DENR: variants seen among roughly 807,000 people sequenced by gnomAD.
DENR encodes density-regulated protein.
In DENR, 6 loss-of-function variants were observed where a neutral mutation model predicts 30.6. The observed-to-expected ratio is 0.20, with a 90% CI of 0.11 to 0.39. The LOEUF (loss-of-function observed/expected upper bound fraction) is 0.39. Among genes scored for constraint, DENR ranks in the 10% least tolerant of loss-of-function variants. The pLI is 1.00. For synonymous variants in DENR, 78 were observed against 72.1 expected (o/e 1.08, Z -0.41); for missense variants, 141 against 230.9 (o/e 0.61, Z 2.52).
In DENR at chr12:122,771,019, A is replaced by G; in HGVS notation, c.*1941A>G. Reference sequence around the variant, plus strand: ...ACAATCCATAGATAGCCAGCAGTGGATGTTACTCCAGGAAAATGCAGGATT... The same window carrying G: ...ACAATCCATAGATAGCCAGCAGTGGGTGTTACTCCAGGAAAATGCAGGATT... On this transcript the variant is annotated 3_prime_UTR_variant, in exon 8 of 8. Transcript: ENST00000280557. 1 of 322,558 alleles carries G rather than the reference A, an allele frequency of 3.1e-6. No individual in the cohort carries two copies. The highest frequency in any genetic ancestry group is 5.6e-6 in the Non-Finnish European group (1 of 179,062). The allele number at this position is 322,558 out of a possible 1,614,324, so 20.0% of individuals were successfully genotyped here. A position where few individuals can be genotyped will look rare whatever the true frequency, so the allele number is the denominator to read the frequency against.
chr12:122,757,860 A>T (rs977136385), intron 2 of DENR, among the ~76,000 whole-genome samples: 1 of 152,212 alleles, frequency 6.6e-6, no homozygotes, highest in African/African-American at 2.4e-5. Flanking sequence ...TGGCCACAGA[A>T]ATCAAGTTTA....
At position 122,770,679 on chromosome 12, in the gene DENR, T is replaced by G. The variant is rs1879013388; in HGVS notation, c.*1601T>G. The stretch of plus-strand genomic sequence containing the variant: ...AGACTTGTGGTGTTTTAAGTTGCTG[T>G]GGACACTTTTAAGAAACTTAGAACC... On this transcript the variant is annotated 3_prime_UTR_variant, in exon 8 of 8. Coordinates refer to ENST00000280557, the MANE Select transcript of DENR (RefSeq NM_003677.5). The G allele has an allele frequency of 2.5e-6, 1 of 398,554 alleles. No homozygotes were observed. The highest frequency in any genetic ancestry group is 3.6e-5 in the East Asian group (1 of 28,054). 24.7% of individuals were successfully genotyped at this position (398,554 alleles called of 1,614,324 possible).
intron 5 of DENR, 135 bp from the exon 6 acceptor site, chr12:122,767,353 G>T (rs1046503637): frequency 1.7e-5 from 10 of 592,422 alleles, no homozygotes; most frequent in Admixed American, 3.4e-5. Context: ...TTTATTGAAT[G>T]AATACTTGGA....
At chr12:122,753,653 T>A (rs1469627709) in intron 1 of DENR, 40 bp from the exon 2 acceptor site, 10 of 1,510,694 alleles carry the variant, frequency 6.6e-6, no homozygotes, top group East Asian at 4.5e-5. Flanking sequence ...GGGGTCTTGA[T>A]TCTAAAATAG....
chr12:122,759,755 G>A (rs1182102594), intron 2 of DENR, among the ~76,000 whole-genome samples: 19 of 151,590 alleles, frequency 1.3e-4, no homozygotes. Flanking sequence ...ATTTGAAATA[G>A]TATACAAAAT....
At chr12:122,767,103 A>G (rs1482387117) in intron 5 of DENR, among the ~76,000 whole-genome samples, 1 of 152,122 alleles carries the variant, frequency 6.6e-6, no homozygotes, top group Non-Finnish European at 1.5e-5. Context: ...CTCCACCTAG[A>G]TATTACTTCC....
In DENR at chr12:122,769,090, T is replaced by A. The variant is rs190514396; in HGVS notation, c.*12T>A. ...AAGTAAAGAAGTGAATTTGAAAATT[T>A]GTCTGTATTTAATGGCCTGAACTGA... On this transcript the variant is annotated 3_prime_UTR_variant, in exon 8 of 8. Transcript: ENST00000280557. The A allele has an allele frequency of 6.2e-7, 1 of 1,606,998 alleles. No homozygotes were observed. Among genetic ancestry groups the A allele is most frequent in the African/African-American group, 1.3e-5 (1 of 74,744 alleles).
Position 122,771,000 on chromosome 12 carries a change from CATAG to C in DENR, c.*1927_*1930del. ...GTTCTTAGCAAATGCAGTTACAATC[CATAG>C]ATAGCCAGCAGTGGATGTTACTCCA... On this transcript the variant is annotated 3_prime_UTR_variant, in exon 8 of 8. Coordinates refer to ENST00000280557, the MANE Select transcript of DENR (RefSeq NM_003677.5). 2.9e-6 allele frequency: 1 copy of C among 346,410 alleles called. No homozygotes were observed. The highest frequency in any genetic ancestry group is 1.5e-4 in the South Asian group (1 of 6,554). The allele number at this position is 346,410 out of a possible 1,614,324, so 21.5% of individuals were successfully genotyped here. A position where few individuals can be genotyped will look rare whatever the true frequency, so the allele number is the denominator to read the frequency against.
At chr12:122,753,380 C>CT (rs1426933005) in intron 1 of DENR, among the ~76,000 whole-genome samples, 2 of 152,122 alleles carry the variant, frequency 1.3e-5, no homozygotes, top group African/African-American at 4.8e-5. Context: ...ACCCTCAGAC[C>CT]TTTTTGCTCC....
At chr12:122,760,948 TA>T (rs1166053959) in intron 2 of DENR, among the ~76,000 whole-genome samples, 1 of 152,014 alleles carries the variant, frequency 6.6e-6, no homozygotes, top group Non-Finnish European at 1.5e-5. Context: ...ATCCCGTCTC[TA>T]CAAAAATAAA....
At chr12:122,756,991 T>C (rs541538309) in intron 2 of DENR, among the ~76,000 whole-genome samples, 1 of 152,304 alleles carries the variant, frequency 6.6e-6, no homozygotes, top group South Asian at 2.1e-4. Context: ...ATAAAGCAGT[T>C]AATCAGATTT....
Position 122,765,388 on chromosome 12 carries a change from G to GT in DENR, c.295+2dup, listed in dbSNP as rs1878821323. 6.5e-7 allele frequency: 1 copy of GT among 1,549,710 alleles called. No homozygotes were observed. Among genetic ancestry groups the GT allele is most frequent in the Non-Finnish European group, 8.7e-7 (1 of 1,145,354 alleles). On this transcript the variant is annotated splice_donor_variant, in intron 5 of 7. Transcript: ENST00000280557. LOFTEE classifies it high-confidence loss of function. ...GAGGAGAAGAAAAAACAGAAGAGAG[G>GT]TAAGACCTAAATTCACATCTTGATT...
rs1422949237 is a variant in DENR, at chr12:122,769,257, TAC to T, written c.*181_*182del. On this transcript the variant is annotated 3_prime_UTR_variant, in exon 8 of 8. Transcript: ENST00000280557. ...GTGTATGTATACATGTATATATATATACATACACATATATGTATACATATATA... is the reference window on the plus strand; with the variant it reads ...GTGTATGTATACATGTATATATATATATACACATATATGTATACATATATA... 1.1e-4 allele frequency: 76 copies of T among 698,188 alleles called. No homozygotes were observed. The highest frequency in any genetic ancestry group is 1.7e-4 in the South Asian group (3 of 17,460). 43.2% of individuals were successfully genotyped at this position (698,188 alleles called of 1,614,324 possible). A position where few individuals can be genotyped will look rare whatever the true frequency, so the allele number is the denominator to read the frequency against.
At chr12:122,764,830 GTAAGTCCATTT>G (rs1368830559) in intron 4 of DENR, among the ~76,000 whole-genome samples, 1 of 152,142 alleles carries the variant, frequency 6.6e-6, no homozygotes. Flanking sequence ...CCCTAACTTG[GTAAGTCCATTT>G]TGGCTGGTAG....
In DENR at chr12:122,770,368, A is replaced by G; in HGVS notation, c.*1290A>G. On this transcript the variant is annotated 3_prime_UTR_variant, in exon 8 of 8. Coordinates refer to ENST00000280557, the MANE Select transcript of DENR (RefSeq NM_003677.5). ...ATCATATTTTCTAAGATTATTTGGA[A>G]GCATGTTTGGTAATGTCAAGTGGAG... The G allele has an allele frequency of 2.7e-6, 1 of 364,440 alleles. No individual in the cohort carries two copies. The highest frequency in any genetic ancestry group is 4.9e-6 in the Non-Finnish European group (1 of 205,600). 22.6% of individuals were successfully genotyped at this position (364,440 alleles called of 1,614,324 possible).
chr12:122,763,614 T>G (rs1878765461), intron 4 of DENR, among the ~76,000 whole-genome samples: 2 of 151,680 alleles, frequency 1.3e-5, no homozygotes, highest in Admixed American at 6.6e-5. Flanking sequence ...GGCAGAAGAA[T>G]CGCTTGAATC....
At position 122,762,830 on chromosome 12, in the gene DENR, T is replaced by C. The variant is rs766319599; in HGVS notation, c.127-15T>C. 6.7e-7 allele frequency: 1 copy of C among 1,497,518 alleles called. No homozygotes were observed. The highest frequency in any genetic ancestry group is 2.2e-5 in the Admixed American group (1 of 44,652). 92.8% of individuals were successfully genotyped at this position (1,497,518 alleles called of 1,614,324 possible). ...AAATGTTTTGTTGTGACTCAGTTCT[T>C]TTTTTTTCTCCTAGTACTGTGAATA... On this transcript the variant is annotated splice_polypyrimidine_tract_variant and intron_variant, in intron 3 of 7. Coordinates refer to ENST00000280557, the MANE Select transcript of DENR (RefSeq NM_003677.5).
At chr12:122,765,569 A>T (rs1421807622) in intron 5 of DENR, among the ~76,000 whole-genome samples, 182 bp downstream of exon 5, 1 of 152,130 alleles carries the variant, frequency 6.6e-6, no homozygotes. Flanking sequence ...GTATGCAATG[A>T]TCGTTCCTCC....
At chr12:122,758,785 C>A (rs1357428633) in intron 2 of DENR, among the ~76,000 whole-genome samples, 1 of 151,404 alleles carries the variant, frequency 6.6e-6, no homozygotes, top group Non-Finnish European at 1.5e-5. Flanking sequence ...GCCTGGGTGA[C>A]AAAGTGAGAC....
Sources: allele counts gnomAD v4.1 joint callset (sites outside exome capture counted in the v4.1 genomes callset), GRCh38; gene constraint gnomAD v4.1.1; transcripts MANE v1.5; gene names NCBI Gene and HGNC (gene_info 2026-07-23, HGNC 2026-07-21).